The following TTLL5 variants were observed in gnomAD, a reference collection of about 807,000 sequenced individuals.
The protein encoded by TTLL5 is tubulin tyrosine ligase like 5, also known as tubulin polyglutamylase TTLL5.
In TTLL5, 132 loss-of-function variants were observed where a neutral mutation model predicts 168.4. The ratio of observed to expected loss-of-function variants is 0.78; its 90% CI spans 0.68 to 0.91. The LOEUF is 0.91. Among genes scored for constraint, TTLL5 ranks in the 40% least tolerant of loss-of-function variants. TTLL5 has a pLI of 0.00. For synonymous variants in TTLL5, 546 were observed against 558.6 expected (o/e 0.98, Z 0.32); for missense variants, 1,545 against 1,581.5 (o/e 0.98, Z 0.39).
chr14:75,860,802 G>A (rs1359892090), intron 28 of TTLL5, among the ~76,000 whole-genome samples: 1 of 152,046 alleles, frequency 6.6e-6, no homozygotes, highest in African/African-American at 2.4e-5. Flanking sequence ...GTAGTTTTGG[G>A]TGTTTTATCT....
chr14:75,922,909 C>T (rs1232950427), intron 31 of TTLL5, among the ~76,000 whole-genome samples: 1 of 152,132 alleles, frequency 6.6e-6, no homozygotes, highest in African/African-American at 2.4e-5. Context: ...ATTTCAGAGC[C>T]TGTTATTGGT....
intron 30 of TTLL5, among the ~76,000 whole-genome samples, chr14:75,886,009 G>A (rs1294564015): frequency 6.6e-6 from 1 of 152,172 alleles, no homozygotes; most frequent in African/African-American, 2.4e-5. Context: ...GCTCAGTTCA[G>A]ATTAATCAGG....
intron 23 of TTLL5, 58 bp from the exon 24 acceptor site, chr14:75,779,517 G>T (rs745934133): frequency 7.6e-6 from 12 of 1,577,866 alleles, no homozygotes; most frequent in South Asian, 2.4e-5. Context: ...ATAAAATCTG[G>T]TGGAAAGATT....
At chr14:75,770,608 T>C (rs189195235) in intron 20 of TTLL5, among the ~76,000 whole-genome samples, 13 of 152,352 alleles carry the variant, frequency 8.5e-5, no homozygotes, top group African/African-American at 3.1e-4. Context: ...AGATCTGCCA[T>C]GAACAGCAGC....
At chr14:75,824,014 A>G (rs927141179) in intron 28 of TTLL5, among the ~76,000 whole-genome samples, 3 of 152,194 alleles carry the variant, frequency 2.0e-5, no homozygotes, top group Admixed American at 6.5e-5. Flanking sequence ...ATTCTTAGAA[A>G]TGTTGCTGGA....
At chr14:75,829,133 T>G (rs1368673273) in intron 28 of TTLL5, among the ~76,000 whole-genome samples, 2 of 152,190 alleles carry the variant, frequency 1.3e-5, no homozygotes, top group African/African-American at 4.8e-5. Context: ...AATTTATCAC[T>G]CTGGCTGGAG....
intron 7 of TTLL5, among the ~76,000 whole-genome samples, chr14:75,703,747 C>G (rs1009686259): frequency 6.6e-6 from 1 of 152,154 alleles, no homozygotes; most frequent in Non-Finnish European, 1.5e-5. Context: ...GAATATAATT[C>G]TGTACTCTCT....
At chr14:75,731,677 C>T (rs984675787) in intron 12 of TTLL5, among the ~76,000 whole-genome samples, 8 of 152,158 alleles carry the variant, frequency 5.3e-5, no homozygotes, top group Admixed American at 2.6e-4. Context: ...CCTTGTCACA[C>T]CTGTGCTCTG....
chr14:75,664,605 T>G (rs531379692), intron 2 of TTLL5, among the ~76,000 whole-genome samples: 1 of 152,328 alleles, frequency 6.6e-6, no homozygotes, highest in Non-Finnish European at 1.5e-5. Flanking sequence ...TGAAAAAAAT[T>G]GTTGAAGCAT....
At chr14:75,701,995 T>C (rs1886308115) in intron 7 of TTLL5, among the ~76,000 whole-genome samples, 2 of 152,216 alleles carry the variant, frequency 1.3e-5, no homozygotes, top group South Asian at 4.1e-4. Flanking sequence ...ATTCCCCACT[T>C]GTCTTTTCAC....
intron 31 of TTLL5, chr14:75,930,714 A>G: frequency 1.1e-6 from 1 of 890,208 alleles, no homozygotes; most frequent in Non-Finnish European, 1.3e-6. Flanking sequence ...TCTGAGAGAA[A>G]GAAGCGATTT....
At chr14:75,822,295 TG>T (rs1478405023) in intron 28 of TTLL5, among the ~76,000 whole-genome samples, 1 of 152,222 alleles carries the variant, frequency 6.6e-6, no homozygotes, top group African/African-American at 2.4e-5. Context: ...ATTACTGGTT[TG>T]ACATTAAGTG....
Position 75,666,646 on chromosome 14 carries a change from T to C in TTLL5, c.75-2770T>C, listed in dbSNP as rs1052030854. Among the ~76,000 whole-genome samples the C allele has an allele frequency of 1.2e-4, 18 of 152,266 alleles. No individual in the cohort carries two copies. The South Asian group carries it at 1.7e-3, about 14-fold the overall frequency. ...AGGCTGCCTGAAGGTGGTGAGACTT[T>C]AGGTAGGCCTTGGAGAGTGGGCTTA... On this transcript the variant is annotated intron_variant, in intron 2 of 31. Transcript: ENST00000298832.
At chr14:75,915,797 A>G (rs2033594841) in intron 31 of TTLL5, among the ~76,000 whole-genome samples, 1 of 151,792 alleles carries the variant, frequency 6.6e-6, no homozygotes, top group Non-Finnish European at 1.5e-5. Context: ...CCATGGTGAG[A>G]TACCACCTCA....
intron 31 of TTLL5, among the ~76,000 whole-genome samples, chr14:75,930,221 A>G (rs2034229920): frequency 6.6e-6 from 1 of 152,218 alleles, no homozygotes; most frequent in Non-Finnish European, 1.5e-5. Flanking sequence ...AAAGATCCTA[A>G]CCTATAATGT....
At chr14:75,721,653 T>G (rs532809942) in intron 12 of TTLL5, among the ~76,000 whole-genome samples, 1 of 152,308 alleles carries the variant, frequency 6.6e-6, no homozygotes, top group East Asian at 1.9e-4. Context: ...TCCTCAACTA[T>G]AAAATGGCAG....
intron 9 of TTLL5, among the ~76,000 whole-genome samples, chr14:75,717,620 A>C (rs1018801769): frequency 6.6e-6 from 1 of 152,176 alleles, no homozygotes; most frequent in African/African-American, 2.4e-5. Flanking sequence ...GACCACATTT[A>C]GTTTTCACAT....
intron 28 of TTLL5, among the ~76,000 whole-genome samples, chr14:75,823,656 A>G (rs1233977516): frequency 6.6e-6 from 1 of 152,120 alleles, no homozygotes; most frequent in African/African-American, 2.4e-5. Context: ...CATCCTGGGC[A>G]TTTGTCTGTT....
intron 18 of TTLL5, among the ~76,000 whole-genome samples, chr14:75,755,832 A>G (rs1890222405): frequency 6.6e-6 from 1 of 151,942 alleles, no homozygotes. Context: ...CTAATTCTCT[A>G]CTCATTTCTT....
Sources: allele counts gnomAD v4.1 joint callset (sites outside exome capture counted in the v4.1 genomes callset), GRCh38; gene constraint gnomAD v4.1.1; transcripts MANE v1.5; gene names NCBI Gene and HGNC (gene_info 2026-07-23, HGNC 2026-07-21).